Variants in CDH20 observed in about 807,000 individuals in gnomAD.
The protein encoded by CDH20 is cadherin-20.
In CDH20, 29 loss-of-function variants were observed where a neutral mutation model predicts 74.2. The observed-to-expected ratio is 0.39, with a 90% confidence interval of 0.29 to 0.53. The LOEUF (loss-of-function observed/expected upper bound fraction) is 0.53, where lower values mean the gene tolerates loss of function less well. CDH20 is among the 20% of genes least tolerant of loss of function. CDH20 has a pLI of 0.69. For synonymous variants in CDH20, 469 were observed against 405.4 expected (o/e 1.16, Z -1.88); for missense variants, 988 against 1,048.3 (o/e 0.94, Z 0.79).
At chr18:61,482,703 C>T (rs1282525993) in intron 1 of CDH20, among the ~76,000 whole-genome samples, 3 of 151,952 alleles carry the variant, frequency 2.0e-5, no homozygotes, top group Non-Finnish European at 2.9e-5. Flanking sequence ...CCCTGTTGCC[C>T]AGGCTGGTCT....
chr18:61,393,260 C>T (rs1911854117), intron 1 of CDH20, among the ~76,000 whole-genome samples: 1 of 152,176 alleles, frequency 6.6e-6, no homozygotes, highest in Non-Finnish European at 1.5e-5. Context: ...GCTTTCCACA[C>T]CACACTTCAC....
intron 1 of CDH20, among the ~76,000 whole-genome samples, chr18:61,335,077 G>A (rs1243525569): frequency 2.6e-5 from 4 of 152,098 alleles, no homozygotes; most frequent in Non-Finnish European, 5.9e-5. Context: ...AAACTAGGAT[G>A]AGTTTGAACC....
Position 61,363,119 on chromosome 18 carries a change from G to GC in CDH20, c.-153+29293dup, listed in dbSNP as rs1256760466. ...GGGCCCTTAATATGCCCAGATCTGT[G>GC]CTTGATTTGTGAGGAAAAGAAAAAG... On this transcript the variant is annotated intron_variant, in intron 1 of 11. Coordinates refer to ENST00000262717, the MANE Select transcript of CDH20 (RefSeq NM_031891.4). Among the ~76,000 whole-genome samples, 3 of 152,068 alleles carry GC rather than the reference G, an allele frequency of 2.0e-5. No individual in the cohort carries two copies. In the East Asian group the frequency reaches 5.8e-4, roughly 29 times the overall value.
chr18:61,399,687 T>C (rs1912096045), intron 1 of CDH20, among the ~76,000 whole-genome samples: 1 of 152,194 alleles, frequency 6.6e-6, no homozygotes, highest in African/African-American at 2.4e-5. Context: ...AATAAGTTAA[T>C]ATATTGGAAT....
chr18:61,333,726 C>T lies in CDH20; in HGVS notation c.-254C>T, dbSNP rs892056822. 1 of 152,920 alleles carries T rather than the reference C, an allele frequency of 6.5e-6. No homozygotes were observed. The highest frequency in any genetic ancestry group is 1.5e-5 in the Non-Finnish European group (1 of 68,628). The allele number at this position is 152,920 out of a possible 1,614,324, so 9.5% of individuals were successfully genotyped here. On this transcript the variant is annotated 5_prime_UTR_variant, in exon 1 of 12. Transcript: ENST00000262717. ...CGCGAGCAGGGGTGAAGAGACCCAGCGGGGCACCAGCCGCCCAGTGGGGGA... is the reference window on the plus strand; with the variant it reads ...CGCGAGCAGGGGTGAAGAGACCCAGTGGGGCACCAGCCGCCCAGTGGGGGA...
In CDH20 at chr18:61,503,101, C is replaced by A; in HGVS notation, c.810C>A (p.Asn270Lys). ...VNITLSDVND[N>K]PPRFPQKHYQ... ...TCACCCTCTCAGATGTCAATGATAACCCACCCCGCTTTCCCCAGAGTGAGT... is the reference window on the plus strand; with the variant it reads ...TCACCCTCTCAGATGTCAATGATAAACCACCCCGCTTTCCCCAGAGTGAGT... Residue 270 changes from asparagine to lysine, a missense_variant, in exon 5 of 12, where the codon AAC (asparagine) becomes AAA (lysine). Physicochemically the swap from Asn to Lys is moderately conservative, Grantham distance 94. Around this residue, in one of 2 missense-constraint regions of CDH20, gnomAD observed 613 missense variants for 755.2 expected, o/e 0.81. Coordinates refer to ENST00000262717, the MANE Select transcript of CDH20 (RefSeq NM_031891.4). The A allele has an allele frequency of 6.2e-7, 1 of 1,610,582 alleles. No homozygotes were observed. The highest frequency in any genetic ancestry group is 8.5e-7 in the Non-Finnish European group (1 of 1,178,388).
chr18:61,528,070 C>T lies in CDH20; in HGVS notation c.1121C>T (p.Thr374Ile). The change falls in exon 7 of 12, where the codon ACA becomes ATA. Residue 374 changes from threonine (T) to isoleucine (I), a missense_variant. By Grantham distance (89) the Thr-to-Ile change is moderately conservative (BLOSUM62 -1). Around this residue, in one of 2 missense-constraint regions of CDH20, gnomAD observed 613 missense variants for 755.2 expected, o/e 0.81. Transcript: ENST00000262717. ...FLNLGPFQDT[T>I]TVHISVEDVD... Reference sequence around the variant, plus strand: ...AACTTGGGCCCATTTCAGGACACAACAACAGTGCACATCAGTGTGGAAGAC... The same window carrying T: ...AACTTGGGCCCATTTCAGGACACAATAACAGTGCACATCAGTGTGGAAGAC... 1 of 1,614,194 alleles carries T rather than the reference C, an allele frequency of 6.2e-7. No homozygotes were observed. Among genetic ancestry groups the T allele is most frequent in the Non-Finnish European group, 8.5e-7 (1 of 1,180,032 alleles).
chr18:61,477,130 A>G (rs1349556520), intron 1 of CDH20, among the ~76,000 whole-genome samples: 1 of 152,180 alleles, frequency 6.6e-6, no homozygotes, highest in Non-Finnish European at 1.5e-5. Flanking sequence ...TGATTTTATT[A>G]CTATGATATA....
intron 6 of CDH20, among the ~76,000 whole-genome samples, chr18:61,516,472 A>C (rs1912008266): frequency 6.6e-6 from 1 of 152,182 alleles, no homozygotes; most frequent in Non-Finnish European, 1.5e-5. Flanking sequence ...GGAATACTTA[A>C]TCCTCCTTAA....
At chr18:61,522,807 A>T (rs760191242) in intron 6 of CDH20, among the ~76,000 whole-genome samples, 1 of 152,254 alleles carries the variant, frequency 6.6e-6, no homozygotes, top group Non-Finnish European at 1.5e-5. Flanking sequence ...AAAAACAATC[A>T]ATGGGGAAAG....
chr18:61,545,020 C>T lies in CDH20; in HGVS notation c.1531-7C>T, dbSNP rs374661849. The stretch of plus-strand genomic sequence containing the variant: ...CCAACTCACCTGATTTCATGTCCCT[C>T]CCTCAGCTGATCCAGACAGTGAGTG... On this transcript the variant is annotated splice_polypyrimidine_tract_variant and splice_region_variant and intron_variant, in intron 9 of 11. Transcript: ENST00000262717. 3.1e-6 allele frequency: 5 copies of T among 1,593,794 alleles called. No homozygotes were observed. The highest frequency in any genetic ancestry group is 4.3e-6 in the Non-Finnish European group (5 of 1,161,460).
At chr18:61,466,482 A>G (rs1040843640) in intron 1 of CDH20, among the ~76,000 whole-genome samples, 1 of 152,140 alleles carries the variant, frequency 6.6e-6, no homozygotes, top group African/African-American at 2.4e-5. Context: ...TGATGTCACC[A>G]CCATTTCTTC....
At chr18:61,451,653 T>A (rs546800704) in intron 1 of CDH20, among the ~76,000 whole-genome samples, 2 of 152,148 alleles carry the variant, frequency 1.3e-5, no homozygotes, top group South Asian at 4.2e-4. Flanking sequence ...ACATATCAGA[T>A]TTAATGGCAA....
chr18:61,491,751 T>G (rs1377525564), intron 2 of CDH20, among the ~76,000 whole-genome samples: 1 of 152,122 alleles, frequency 6.6e-6, no homozygotes, highest in Non-Finnish European at 1.5e-5. Flanking sequence ...AAGCTGTGTT[T>G]TCATTGCTTC....
chr18:61,452,918 G>T (rs1399927694), intron 1 of CDH20, among the ~76,000 whole-genome samples: 1 of 152,110 alleles, frequency 6.6e-6, no homozygotes, highest in African/African-American at 2.4e-5. Context: ...TCAATAAAAA[G>T]TAGGCCCCCT....
chr18:61,503,063 A>G lies in CDH20; in HGVS notation c.772A>G (p.Thr258Ala). The stretch of plus-strand genomic sequence containing the variant: ...GCAGCTTGGAGGATTAGCTGGGACC[A>G]CAACAGTCAACATCACCCTCTCAGA... ...GGQLGGLAGT[T>A]TVNITLSDVN... Residue 258 changes from threonine (T) to alanine (A), a missense_variant, in exon 5 of 12, where the codon ACA becomes GCA. By Grantham distance (58) the Thr-to-Ala change is moderately conservative. Around this residue, in one of 2 missense-constraint regions of CDH20, gnomAD observed 613 missense variants for 755.2 expected, o/e 0.81. Transcript: ENST00000262717. The G allele has an allele frequency of 1.2e-6, 2 of 1,613,844 alleles. No homozygotes were observed. The highest frequency in any genetic ancestry group is 1.7e-6 in the Non-Finnish European group (2 of 1,179,856).
At chr18:61,499,541 CACAT>C in intron 3 of CDH20, 61 bp downstream of exon 3, 1 of 1,229,022 alleles carries the variant, frequency 8.1e-7, no homozygotes. Flanking sequence ...CACACACACA[CACAT>C]ATGCACATGC....
intron 3 of CDH20, 111 bp downstream of exon 3, chr18:61,499,591 G>A (rs1911291324): frequency 3.4e-6 from 3 of 873,392 alleles, no homozygotes; most frequent in Admixed American, 5.7e-5. Flanking sequence ...TTCAGAACAG[G>A]AGAGCATGAG....
chr18:61,466,154 A>G (rs1211449493), intron 1 of CDH20, among the ~76,000 whole-genome samples: 1 of 151,488 alleles, frequency 6.6e-6, no homozygotes, highest in Non-Finnish European at 1.5e-5. Flanking sequence ...AGAGAAGCAA[A>G]TAGCTTCTTT....
Sources: gnomAD v4.1 joint callset for allele counts (sites outside exome capture counted in the v4.1 genomes callset) on GRCh38, gnomAD v4.1.1 for gene constraint, gnomAD v4.1.1 regional missense constraint, MANE v1.5 for transcripts, NCBI Gene and HGNC (gene_info 2026-07-23, HGNC 2026-07-21) for gene names.